The following CACNA1C variants were observed in gnomAD, a reference collection of about 807,000 sequenced individuals.
The protein encoded by CACNA1C is calcium voltage-gated channel subunit alpha1 C.
CACNA1C carries 30 observed loss-of-function variants against 229.0 expected under a neutral mutation model. That is an observed-to-expected ratio of 0.13 (90% confidence interval 0.10 to 0.18). The LOEUF is 0.18. Among genes scored for constraint, CACNA1C ranks in the 10% least tolerant of loss-of-function variants. CACNA1C has a pLI of 1.00. For synonymous variants in CACNA1C, 1,114 were observed against 1,132.5 expected, an observed-to-expected ratio of 0.98 and a Z score of 0.33; for missense variants, 1,658 against 2,845.0, an observed-to-expected ratio of 0.58 and a Z score of 9.49.
intron 5 of CACNA1C, among the ~76,000 whole-genome samples, chr12:2,471,367 A>G (rs1288269295): frequency 2.0e-5 from 3 of 152,156 alleles, no homozygotes; most frequent in Non-Finnish European, 2.9e-5. Flanking sequence ...TATGGGAAAA[A>G]ATAAAACATA....
At chr12:2,554,762 G>A (rs2043146248) in intron 10 of CACNA1C, among the ~76,000 whole-genome samples, 1 of 152,202 alleles carries the variant, frequency 6.6e-6, no homozygotes, top group Admixed American at 6.5e-5. Context: ...AAGGCGTTCA[G>A]ACGTCACAGA....
chr12:2,192,775 A>C (rs1598656438), intron 3 of CACNA1C, among the ~76,000 whole-genome samples: 2 of 112,976 alleles, frequency 1.8e-5, no homozygotes, highest in African/African-American at 6.6e-5. Flanking sequence ...CCCCTCCTCC[A>C]CAGAGCCCTG....
At position 2,486,902 on chromosome 12, in the gene CACNA1C, C is replaced by G. The variant is rs929752529; in HGVS notation, c.916+640C>G. Among the ~76,000 whole-genome samples the G allele has an allele frequency of 5.9e-5, 9 of 152,202 alleles. No individual in the cohort carries two copies. The highest frequency in any genetic ancestry group is 2.2e-4 in the African/African-American group (9 of 41,452). ...AGGCTTAGTTCTACCCCATGACTCCCAGTCCCTTCCTTTTTGAGCCTTCCC... is the reference window on the plus strand; with the variant it reads ...AGGCTTAGTTCTACCCCATGACTCCGAGTCCCTTCCTTTTTGAGCCTTCCC... On this transcript the variant is annotated intron_variant, in intron 6 of 46. Coordinates refer to ENST00000399655, the MANE Select transcript of CACNA1C (RefSeq NM_000719.7). This position sits in a 1 kb window ranked among gnomAD's most constrained non-coding sequence, Gnocchi z 4.9.
chr12:2,307,694 C>T (rs2095152593), intron 3 of CACNA1C, among the ~76,000 whole-genome samples: 1 of 152,162 alleles, frequency 6.6e-6, no homozygotes, highest in African/African-American at 2.4e-5. Context: ...GAACCTGGAG[C>T]ACTGAGAAGC....
chr12:2,664,612 T>C (rs927545733), intron 34 of CACNA1C, among the ~76,000 whole-genome samples: 1 of 152,176 alleles, frequency 6.6e-6, no homozygotes, highest in African/African-American at 2.4e-5. Flanking sequence ...TCGGAAAAGG[T>C]GCAATTTGTT....
chr12:2,411,294 A>C (rs1265834907), intron 3 of CACNA1C, among the ~76,000 whole-genome samples: 5 of 152,140 alleles, frequency 3.3e-5, no homozygotes, highest in African/African-American at 1.2e-4. Flanking sequence ...AAGCAGGGTG[A>C]CTGGAAGTAC....
chr12:2,308,021 A>G (rs2095181303), intron 3 of CACNA1C, among the ~76,000 whole-genome samples: 1 of 152,200 alleles, frequency 6.6e-6, no homozygotes, highest in African/African-American at 2.4e-5. Context: ...ACCTCCACCC[A>G]TGTGGTTTTG....
In CACNA1C at chr12:2,639,026, C is replaced by T. The variant is rs780461458; in HGVS notation, c.3912+4646C>T. The stretch of plus-strand genomic sequence containing the variant: ...GCCAGGGCCTCTGGCGCGAGGAGAT[C>T]GGGACCCGCAAACTTCTGTTCATCT... On this transcript the variant is annotated intron_variant, in intron 30 of 46. Coordinates refer to ENST00000399655, the MANE Select transcript of CACNA1C (RefSeq NM_000719.7). The surrounding 1 kb of genome is among the most constrained non-coding windows in gnomAD (Gnocchi z 4.2). Among the ~76,000 whole-genome samples, 3 of 152,196 alleles carry T rather than the reference C, an allele frequency of 2.0e-5. No individual in the cohort carries two copies. Among genetic ancestry groups the T allele is most frequent in the Non-Finnish European group, 2.9e-5 (2 of 68,032 alleles).
intron 5 of CACNA1C, among the ~76,000 whole-genome samples, chr12:2,462,966 G>A (rs921273231): frequency 1.4e-5 from 2 of 144,250 alleles, no homozygotes; most frequent in South Asian, 2.2e-4. Flanking sequence ...AGGCTGGAGT[G>A]CAGTGGTGTG....
chr12:2,433,188 C>T (rs2099102790), intron 3 of CACNA1C, among the ~76,000 whole-genome samples: 1 of 152,202 alleles, frequency 6.6e-6, no homozygotes, highest in African/African-American at 2.4e-5. Flanking sequence ...TGCCCTGTGC[C>T]CATCTCAGCA....
chr12:2,274,612 A>G (rs544698717), intron 3 of CACNA1C, among the ~76,000 whole-genome samples: 3 of 152,328 alleles, frequency 2.0e-5, no homozygotes, highest in Admixed American at 1.3e-4. Context: ...GTCCCTGCAT[A>G]AGCTAGGCAT....
At position 2,380,038 on chromosome 12, in the gene CACNA1C, A is replaced by G. The variant is rs1000777242; in HGVS notation, c.478-68938A>G. Among the ~76,000 whole-genome samples the G allele has an allele frequency of 1.1e-4, 17 of 148,430 alleles. 1 individual carries two copies. Among genetic ancestry groups the G allele is most frequent in the African/African-American group, 4.2e-4 (17 of 40,370 alleles). ...AGAGCGAGACTCCGTCTCAAAAAAA[A>G]AAAAAAGACATAATATTACCAGCTC... On this transcript the variant is annotated intron_variant, in intron 3 of 46. Coordinates refer to ENST00000399655, the MANE Select transcript of CACNA1C (RefSeq NM_000719.7).
At chr12:2,412,989 T>C (rs1346850477) in intron 3 of CACNA1C, among the ~76,000 whole-genome samples, 2 of 152,228 alleles carry the variant, frequency 1.3e-5, no homozygotes, top group Non-Finnish European at 2.9e-5. Flanking sequence ...GATACTCTCA[T>C]AAAATAAGCT....
At chr12:2,244,677 C>T (rs1345012961) in intron 3 of CACNA1C, among the ~76,000 whole-genome samples, 1 of 152,254 alleles carries the variant, frequency 6.6e-6, no homozygotes, top group African/African-American at 2.4e-5. Flanking sequence ...GAGCCATCAC[C>T]TGCTTTGGGC....
rs1401098843 is a variant in CACNA1C at position 2,688,693 on chromosome 12, GT to G, written c.6032del (p.Val2011AlafsTer31). On this transcript the variant is annotated frameshift_variant, in exon 46 of 47. Coordinates refer to ENST00000399655, the MANE Select transcript of CACNA1C (RefSeq NM_000719.7). LOFTEE classifies it high-confidence loss of function. ...GGGGSSAARR[V>X]RPVSLMVPSQ... ...CGGGGGCAGCAGCGCCGCCCGGAGAGTCCGGCCCGTCTCCCTCATGGTGCCC... is the reference window on the plus strand; with the variant it reads ...CGGGGGCAGCAGCGCCGCCCGGAGAGCCGGCCCGTCTCCCTCATGGTGCCC... 1 of 1,612,016 alleles carries G rather than the reference GT, an allele frequency of 6.2e-7. No individual in the cohort carries two copies. The highest frequency in any genetic ancestry group is 8.5e-7 in the Non-Finnish European group (1 of 1,179,378).
At chr12:2,618,700 T>C (rs567241737) in intron 29 of CACNA1C, among the ~76,000 whole-genome samples, 1 of 152,348 alleles carries the variant, frequency 6.6e-6, no homozygotes, top group East Asian at 1.9e-4. Context: ...GACTCTTCCA[T>C]GGACTGTTGA....
chr12:2,464,766 G>T (rs1312242985), intron 5 of CACNA1C, among the ~76,000 whole-genome samples: 1 of 152,234 alleles, frequency 6.6e-6, no homozygotes, highest in Non-Finnish European at 1.5e-5. Context: ...CTTTCATCCT[G>T]AGAGGTGAGA....
At chr12:2,453,602 T>A (rs2099397869) in intron 4 of CACNA1C, among the ~76,000 whole-genome samples, 1 of 152,156 alleles carries the variant, frequency 6.6e-6, no homozygotes, top group Admixed American at 6.5e-5. Context: ...GAGTCATCCC[T>A]CATCACCCGG....
At chr12:1,972,484 T>TAA (rs568541883) in intron 1 of CACNA1C, among the ~76,000 whole-genome samples, 1 of 151,798 alleles carries the variant, frequency 6.6e-6, no homozygotes, top group African/African-American at 2.4e-5. Flanking sequence ...CCAAGATATT[T>TAA]AAAAAAAACA....
Sources: gnomAD v4.1 joint callset for allele counts (sites outside exome capture counted in the v4.1 genomes callset) on GRCh38, gnomAD v4.1.1 for gene constraint, Gnocchi (gnomAD v3.1) non-coding constraint, MANE v1.5 for transcripts, NCBI Gene and HGNC (gene_info 2026-07-23, HGNC 2026-07-21) for gene names.